LPP: variants seen among roughly 807,000 people sequenced by gnomAD.
The protein encoded by LPP is lipoma-preferred partner.
A neutral mutation model predicts 60.4 loss-of-function variants in LPP; 38 were observed. The observed-to-expected ratio is 0.63, with a 90% confidence interval of 0.49 to 0.83. LPP has a LOEUF of 0.83. LPP is among the 40% of genes least tolerant of loss of function. The pLI is 0.00. For missense variants in LPP, 902 were observed against 783.6 expected (o/e 1.15, Z -1.80); for synonymous variants, 328 against 290.8 (o/e 1.13, Z -1.30).
chr3:188,492,448 AC>A (rs1221771312), intron 5 of LPP, among the ~76,000 whole-genome samples: 1 of 152,150 alleles, frequency 6.6e-6, no homozygotes, highest in Non-Finnish European at 1.5e-5. Flanking sequence ...TAATACCAGT[AC>A]TTTGGGAGGC....
At chr3:188,441,599 C>CTTT (rs1299279527) in intron 4 of LPP, among the ~76,000 whole-genome samples, 1 of 75,056 alleles carries the variant, frequency 1.3e-5, no homozygotes, top group Non-Finnish European at 2.6e-5. Context: ...TTCTTTTTTT[C>CTTT]TTTTCTTTTC....
intron 2 of LPP, among the ~76,000 whole-genome samples, chr3:188,317,854 A>T (rs1193814053): frequency 6.6e-6 from 1 of 152,174 alleles, no homozygotes; most frequent in East Asian, 1.9e-4. Flanking sequence ...AGGAATTGAA[A>T]GTCTCAATGG....
At chr3:188,775,448 G>A (rs956045162) in intron 9 of LPP, among the ~76,000 whole-genome samples, 2 of 152,148 alleles carry the variant, frequency 1.3e-5, no homozygotes, top group African/African-American at 4.8e-5. Context: ...TTAAGACCTC[G>A]TACAGTTCAG....
chr3:188,299,412 T>C (rs970758627), intron 2 of LPP, among the ~76,000 whole-genome samples: 1 of 152,350 alleles, frequency 6.6e-6, no homozygotes, highest in East Asian at 1.9e-4. Flanking sequence ...ATGCTGACTA[T>C]AATTCTCCCT....
intron 9 of LPP, among the ~76,000 whole-genome samples, chr3:188,770,747 G>C (rs1735683034): frequency 1.3e-5 from 2 of 152,258 alleles, no homozygotes; most frequent in East Asian, 3.9e-4. Flanking sequence ...AGTGGGGTTG[G>C]TATGAGGCAG....
chr3:188,361,510 CCCTCTCCTCTCCTCTCCTCTCCTCT>C (rs1335595790), intron 3 of LPP, among the ~76,000 whole-genome samples: 1 of 82,668 alleles, frequency 1.2e-5, no homozygotes, highest in Non-Finnish European at 2.3e-5. Context: ...TTTTCCTTTT[CCCTCTCCTCTCCTCTCCTCTCCTCT>C]CCTCTCCTCC....
intron 5 of LPP, among the ~76,000 whole-genome samples, chr3:188,488,857 T>G (rs1198352047): frequency 6.6e-6 from 1 of 152,120 alleles, no homozygotes; most frequent in African/African-American, 2.4e-5. Flanking sequence ...CAGGTTGGTC[T>G]CAAACTCCTG....
At position 188,255,303 on chromosome 3, in the gene LPP, C is replaced by T. The variant is rs149905889; in HGVS notation, c.-67+29776C>T. Reference sequence around the variant, plus strand: ...CTGTTCCATTTCACAGACGAGGAAACGGAGGCTCAGAGACTTTGCATTAGT... The same window carrying T: ...CTGTTCCATTTCACAGACGAGGAAATGGAGGCTCAGAGACTTTGCATTAGT... On this transcript the variant is annotated intron_variant, in intron 2 of 11. Transcript: ENST00000617246. Among the ~76,000 whole-genome samples, 959 of 152,264 alleles carry T rather than the reference C, an allele frequency of 6.3e-3. 11 individuals carry two copies. The highest frequency in any genetic ancestry group is 0.021 in the African/African-American group (860 of 41,530).
chr3:188,381,590 C>T (rs529417227), intron 3 of LPP, among the ~76,000 whole-genome samples: 1 of 152,296 alleles, frequency 6.6e-6, no homozygotes, highest in Admixed American at 6.5e-5. Context: ...AGTAGGTACC[C>T]ACTTTCCGAT....
intron 3 of LPP, among the ~76,000 whole-genome samples, chr3:188,348,649 C>G (rs6771736): frequency 0.68 from 103,070 of 152,138 alleles, 35,437 homozygotes; most frequent in Non-Finnish European, 0.75. Flanking sequence ...CCGGAAGCAT[C>G]AGCATTACAT....
At chr3:188,424,066 T>C (rs184570257) in intron 4 of LPP, among the ~76,000 whole-genome samples, 3 of 152,330 alleles carry the variant, frequency 2.0e-5, no homozygotes, top group Non-Finnish European at 4.4e-5. Flanking sequence ...CTAGGTTTTC[T>C]TCTAGGGTTT....
At chr3:188,188,881 T>C (rs1401898410) in intron 1 of LPP, among the ~76,000 whole-genome samples, 2 of 152,162 alleles carry the variant, frequency 1.3e-5, no homozygotes, top group African/African-American at 4.8e-5. Context: ...ATAGGATCCT[T>C]GTCTTTGAAA....
chr3:188,869,912 C>T (rs1240749345), intron 10 of LPP, among the ~76,000 whole-genome samples: 1 of 152,188 alleles, frequency 6.6e-6, no homozygotes, highest in East Asian at 1.9e-4. Flanking sequence ...TTCTGGAAGA[C>T]TATCTCCCCT....
At chr3:188,472,131 CA>C (rs1483058675) in intron 4 of LPP, among the ~76,000 whole-genome samples, 1 of 152,198 alleles carries the variant, frequency 6.6e-6, no homozygotes, top group Non-Finnish European at 1.5e-5. Context: ...CCTTACACAT[CA>C]AAGAGTGAAT....
At chr3:188,814,207 G>A (rs1751861886) in intron 9 of LPP, among the ~76,000 whole-genome samples, 1 of 152,100 alleles carries the variant, frequency 6.6e-6, no homozygotes, top group Admixed American at 6.6e-5. Flanking sequence ...TTAGTTAGGA[G>A]GTCAACTGGT....
At chr3:188,700,619 T>C (rs1181970930) in intron 7 of LPP, among the ~76,000 whole-genome samples, 1 of 152,204 alleles carries the variant, frequency 6.6e-6, no homozygotes, top group Non-Finnish European at 1.5e-5. Flanking sequence ...CTTGATTTCA[T>C]GCCCCAAGTG....
At chr3:188,334,023 C>G (rs73053515) in intron 2 of LPP, among the ~76,000 whole-genome samples, 1 of 152,192 alleles carries the variant, frequency 6.6e-6, no homozygotes, top group Non-Finnish European at 1.5e-5. Flanking sequence ...CTATCCTCCC[C>G]CTCCTGCTAC....
intron 8 of LPP, among the ~76,000 whole-genome samples, chr3:188,731,071 T>C (rs1362812384): frequency 6.6e-6 from 1 of 152,232 alleles, no homozygotes; most frequent in Non-Finnish European, 1.5e-5. Flanking sequence ...CGTTTTGTCA[T>C]ATACAGTAGC....
rs1406411033 is a variant in LPP, at chr3:188,610,448, C to T, written c.1113+604C>T. 1.3e-5 allele frequency among the ~76,000 whole-genome samples: 2 copies of T among 152,202 alleles called. No individual in the cohort carries two copies. Among genetic ancestry groups the T allele is most frequent in the Admixed American group, 1.3e-4 (2 of 15,282 alleles). On this transcript the variant is annotated intron_variant, in intron 7 of 11. Transcript: ENST00000617246. The surrounding 1 kb of genome is among the most constrained non-coding windows in gnomAD (Gnocchi z 4.4). ...AAGCAGGTCTAAGATAATGCAAATG[C>T]CTTGGACAGTTTCTCCTTTGAGAAG...
Sources: allele counts gnomAD v4.1 joint callset (sites outside exome capture counted in the v4.1 genomes callset), GRCh38; gene constraint gnomAD v4.1.1; non-coding constraint Gnocchi (gnomAD v3.1); transcripts MANE v1.5; gene names NCBI Gene and HGNC (gene_info 2026-07-23, HGNC 2026-07-21).